Variants in FSTL5 observed in about 807,000 individuals in gnomAD.
FSTL5 encodes follistatin like 5.
A neutral mutation model predicts 89.1 loss-of-function variants in FSTL5; 62 were observed. The observed-to-expected ratio is 0.70, with a 90% CI of 0.57 to 0.86. The LOEUF (loss-of-function observed/expected upper bound fraction) is 0.86, where lower values mean the gene tolerates loss of function less well. Among genes scored for constraint, FSTL5 ranks in the 40% least tolerant of loss-of-function variants. The probability of loss-of-function intolerance (pLI) is 0.00; values close to 1 mark genes in which losing one functional copy is unlikely to be tolerated. For missense variants in FSTL5, 1,057 were observed against 1,001.6 expected (o/e 1.06, Z -0.75); for synonymous variants, 383 against 346.2 (o/e 1.11, Z -1.18).
chr4:162,024,622 G>GT (rs554197037), intron 3 of FSTL5, among the ~76,000 whole-genome samples: 13 of 151,448 alleles, frequency 8.6e-5, no homozygotes, highest in South Asian at 6.3e-4. Context: ...TGTTTCTTGT[G>GT]TTTTTTTTAA....
At chr4:161,743,562 T>G (rs1000256435) in intron 6 of FSTL5, among the ~76,000 whole-genome samples, 2 of 152,068 alleles carry the variant, frequency 1.3e-5, no homozygotes, top group Non-Finnish European at 2.9e-5. Context: ...GAACTTTAGT[T>G]TTTTTTTCTA....
intron 2 of FSTL5, among the ~76,000 whole-genome samples, chr4:162,073,288 TATA>T (rs1239824375): frequency 1.3e-5 from 2 of 151,702 alleles, no homozygotes; most frequent in Non-Finnish European, 2.9e-5. Flanking sequence ...ATGAACTCAA[TATA>T]ATACTATTTT....
chr4:161,395,487 A>G (rs1044062183), intron 15 of FSTL5, among the ~76,000 whole-genome samples: 3 of 152,092 alleles, frequency 2.0e-5, no homozygotes, highest in Admixed American at 6.6e-5. Flanking sequence ...TTCCTTTAAA[A>G]TGTTAAAACT....
chr4:162,021,959 C>G (rs1237423513), intron 3 of FSTL5, among the ~76,000 whole-genome samples: 1 of 151,776 alleles, frequency 6.6e-6, no homozygotes, highest in Non-Finnish European at 1.5e-5. Flanking sequence ...GGTGTGGTGG[C>G]GGGTGCCTGT....
chr4:161,484,453 A>G (rs895558555), intron 12 of FSTL5, among the ~76,000 whole-genome samples: 3 of 152,192 alleles, frequency 2.0e-5, no homozygotes, highest in Admixed American at 6.5e-5. Context: ...CAAGTATTCA[A>G]ACATTCACAT....
chr4:161,900,565 G>A (rs1402208613), intron 4 of FSTL5, among the ~76,000 whole-genome samples: 1 of 143,782 alleles, frequency 7.0e-6, no homozygotes, highest in African/African-American at 2.6e-5. Context: ...CTTGAACCCG[G>A]GAGGCGGAGG....
chr4:161,751,395 C>T (rs1740386007), intron 6 of FSTL5, among the ~76,000 whole-genome samples: 1 of 152,102 alleles, frequency 6.6e-6, no homozygotes, highest in Admixed American at 6.6e-5. Context: ...CCCTAAGAAC[C>T]CGTATAGCAA....
At chr4:161,573,680 C>G (rs1336581210) in intron 8 of FSTL5, among the ~76,000 whole-genome samples, 4 of 125,972 alleles carry the variant, frequency 3.2e-5, no homozygotes, top group East Asian at 2.7e-4. Context: ...TTGTGGTGAG[C>G]CGAGATTGCA....
chr4:161,756,964 T>C (rs1740591595), intron 6 of FSTL5, among the ~76,000 whole-genome samples: 1 of 152,172 alleles, frequency 6.6e-6, no homozygotes, highest in Non-Finnish European at 1.5e-5. Context: ...AGTCTATGTA[T>C]CTTTCTATTG....
In FSTL5 at chr4:161,721,235, G is replaced by A. The variant is rs577325015; in HGVS notation, c.727+38176C>T. 1.2e-3 allele frequency among the ~76,000 whole-genome samples: 160 copies of A among 128,076 alleles called. 2 individuals carry two copies. The highest frequency in any genetic ancestry group is 4.3e-3 in the African/African-American group (154 of 35,508). 84.0% of individuals were successfully genotyped at this position (128,076 alleles called of 152,430 possible). ...GGAGCTTGCAGTGAGCCGAGATTGC[G>A]CCACTGCAGTCCGCAGTCCGGCCTG... On this transcript the variant is annotated intron_variant, in intron 6 of 15. Coordinates refer to ENST00000306100, the MANE Select transcript of FSTL5 (RefSeq NM_020116.5).
chr4:162,067,921 C>A (rs1287376254), intron 2 of FSTL5, among the ~76,000 whole-genome samples: 1 of 151,796 alleles, frequency 6.6e-6, no homozygotes. Context: ...AAGCAGAGAG[C>A]CAAATCACGA....
At chr4:161,709,007 A>G (rs1301961908) in intron 6 of FSTL5, among the ~76,000 whole-genome samples, 1 of 152,172 alleles carries the variant, frequency 6.6e-6, no homozygotes, top group Non-Finnish European at 1.5e-5. Flanking sequence ...GCAAAATCTA[A>G]TAAGTACTGA....
intron 8 of FSTL5, among the ~76,000 whole-genome samples, chr4:161,578,427 T>C (rs1251731484): frequency 6.6e-6 from 1 of 152,012 alleles, no homozygotes. Context: ...GTACAGTATG[T>C]ACAAATGTTG....
At chr4:161,446,948 A>G (rs1476908149) in intron 15 of FSTL5, among the ~76,000 whole-genome samples, 1 of 152,024 alleles carries the variant, frequency 6.6e-6, no homozygotes, top group Non-Finnish European at 1.5e-5. Context: ...CATATGTAAG[A>G]CAGAAAAAAA....
intron 8 of FSTL5, among the ~76,000 whole-genome samples, chr4:161,571,879 G>A (rs1243487858): frequency 1.3e-5 from 2 of 152,146 alleles, no homozygotes; most frequent in South Asian, 2.1e-4. Context: ...TCTCAGAGAA[G>A]TGACTCTGTG....
chr4:161,638,690 A>C, intron 7 of FSTL5, among the ~76,000 whole-genome samples: 1 of 135,318 alleles, frequency 7.4e-6, no homozygotes, highest in East Asian at 2.1e-4. Flanking sequence ...GCAGAGACAC[A>C]ACCAAAAAAG....
At chr4:162,127,182 T>A (rs1732117182) in intron 1 of FSTL5, among the ~76,000 whole-genome samples, 1 of 152,166 alleles carries the variant, frequency 6.6e-6, no homozygotes, top group Non-Finnish European at 1.5e-5. Context: ...AAGAGCTAAA[T>A]CTCCAGGCTG....
chr4:161,761,399 C>T (rs935961849), intron 5 of FSTL5, among the ~76,000 whole-genome samples: 4 of 152,058 alleles, frequency 2.6e-5, no homozygotes, highest in African/African-American at 7.2e-5. Context: ...GCGATTCTAC[C>T]GCCCTATGCA....
At chr4:162,059,032 T>C (rs570896983) in intron 2 of FSTL5, among the ~76,000 whole-genome samples, 33 of 152,202 alleles carry the variant, frequency 2.2e-4, no homozygotes, top group African/African-American at 7.0e-4. Flanking sequence ...TTCAAAATAA[T>C]GGAGGAAACT....
Sources: allele counts gnomAD v4.1 joint callset (sites outside exome capture counted in the v4.1 genomes callset), GRCh38; gene constraint gnomAD v4.1.1; transcripts MANE v1.5; gene names NCBI Gene and HGNC (gene_info 2026-07-23, HGNC 2026-07-21).